Variants in BICC1 observed in about 807,000 individuals in gnomAD.
BICC1 encodes BicC family RNA binding protein 1.
A neutral mutation model predicts 111.0 loss-of-function variants in BICC1; 43 were observed. The observed-to-expected ratio is 0.39, with a 90% CI of 0.30 to 0.50. The LOEUF is 0.50. Ranked by LOEUF, BICC1 falls within the 20% of genes least tolerant of loss-of-function variation. The pLI, the probability that BICC1 is intolerant of heterozygous loss-of-function variation, is 0.88. For synonymous variants in BICC1, 467 were observed against 434.4 expected, an observed-to-expected ratio of 1.07 and a Z score of -0.93; for missense variants, 1,091 against 1,203.2, an observed-to-expected ratio of 0.91 and a Z score of 1.38.
At chr10:58,787,820 G>T (rs1487574139) in intron 5 of BICC1, among the ~76,000 whole-genome samples, 1 of 152,100 alleles carries the variant, frequency 6.6e-6, no homozygotes, top group Admixed American at 6.5e-5. Flanking sequence ...ATGACCATTG[G>T]CCCTAAGAAC....
chr10:58,816,282 C>T (rs962972274), intron 18 of BICC1, among the ~76,000 whole-genome samples: 2 of 152,122 alleles, frequency 1.3e-5, no homozygotes, highest in African/African-American at 4.8e-5. Context: ...AATAGTCACT[C>T]CTCCTCAAAC....
At chr10:58,581,382 A>G (rs902016356) in intron 1 of BICC1, among the ~76,000 whole-genome samples, 2 of 152,186 alleles carry the variant, frequency 1.3e-5, no homozygotes, top group Middle Eastern at 3.2e-3. Flanking sequence ...ATCTATATAC[A>G]TGCTTAATAT....
intron 2 of BICC1, among the ~76,000 whole-genome samples, chr10:58,678,628 G>A (rs931949035): frequency 1.3e-5 from 2 of 152,056 alleles, no homozygotes; most frequent in Non-Finnish European, 2.9e-5. Flanking sequence ...ACAGATCAAC[G>A]AGATAGAAAA....
At chr10:58,518,580 A>G (rs12242287) in intron 1 of BICC1, among the ~76,000 whole-genome samples, 67,730 of 115,530 alleles carry the variant, frequency 0.59, 19,678 homozygotes, top group African/African-American at 0.75. Flanking sequence ...TCCTTTGTGT[A>G]TGTGTGTGTT....
At chr10:58,605,542 C>T (rs181210705) in intron 1 of BICC1, among the ~76,000 whole-genome samples, 1 of 152,280 alleles carries the variant, frequency 6.6e-6, no homozygotes, top group African/African-American at 2.4e-5. Context: ...GGGATTTGTT[C>T]CAGGACCTCC....
At chr10:58,555,745 T>TA (rs1403938141) in intron 1 of BICC1, among the ~76,000 whole-genome samples, 3 of 152,116 alleles carry the variant, frequency 2.0e-5, no homozygotes, top group Non-Finnish European at 4.4e-5. Flanking sequence ...TTTTAATGAT[T>TA]AAATGGAAAT....
At chr10:58,659,550 G>T (rs1375038689) in intron 2 of BICC1, among the ~76,000 whole-genome samples, 1 of 152,120 alleles carries the variant, frequency 6.6e-6, no homozygotes, top group East Asian at 1.9e-4. Flanking sequence ...CATGGATGCG[G>T]CCTAACTGAG....
chr10:58,718,777 T>C (rs1291031145), intron 3 of BICC1, among the ~76,000 whole-genome samples: 19 of 131,854 alleles, frequency 1.4e-4, no homozygotes, highest in African/African-American at 4.9e-4. Flanking sequence ...CGCGCGCGCG[T>C]GCGCGCGTGC....
intron 3 of BICC1, among the ~76,000 whole-genome samples, chr10:58,739,260 A>T (rs528172888): frequency 6.6e-6 from 1 of 152,276 alleles, no homozygotes; most frequent in Admixed American, 6.5e-5. Context: ...CGTCCCATCA[A>T]TACCTAATTT....
intron 1 of BICC1, among the ~76,000 whole-genome samples, chr10:58,565,807 A>G (rs1042493391): frequency 2.6e-5 from 4 of 152,002 alleles, no homozygotes; most frequent in African/African-American, 4.8e-5. Context: ...AAAGGTCAAT[A>G]TATTTTTTAA....
At chr10:58,562,282 A>C (rs1421260865) in intron 1 of BICC1, among the ~76,000 whole-genome samples, 2 of 151,876 alleles carry the variant, frequency 1.3e-5, no homozygotes, top group Non-Finnish European at 2.9e-5. Flanking sequence ...GGCTTTCTCC[A>C]TTCATTTTTA....
chr10:58,724,938 T>C (rs1841055635), intron 3 of BICC1, among the ~76,000 whole-genome samples: 1 of 152,206 alleles, frequency 6.6e-6, no homozygotes, highest in African/African-American at 2.4e-5. Flanking sequence ...CGTGGCTGTC[T>C]ATTCCCTCCC....
At chr10:58,753,595 T>C (rs372068399) in intron 3 of BICC1, among the ~76,000 whole-genome samples, 1 of 152,304 alleles carries the variant, frequency 6.6e-6, no homozygotes, top group East Asian at 1.9e-4. Flanking sequence ...TAATCTGTCC[T>C]TTCTCACAGG....
At chr10:58,740,657 C>A (rs935304545) in intron 3 of BICC1, among the ~76,000 whole-genome samples, 5 of 151,992 alleles carry the variant, frequency 3.3e-5, no homozygotes, top group African/African-American at 1.2e-4. Context: ...AATCTTTTAA[C>A]TCTTATTCCC....
chr10:58,759,179 C>T (rs1451329983), intron 3 of BICC1, among the ~76,000 whole-genome samples: 2 of 152,036 alleles, frequency 1.3e-5, no homozygotes, highest in South Asian at 2.1e-4. Context: ...AGGCTGGTCT[C>T]GAACTCCTGA....
At chr10:58,592,832 G>A (rs1164929449) in intron 1 of BICC1, among the ~76,000 whole-genome samples, 3 of 129,744 alleles carry the variant, frequency 2.3e-5, no homozygotes, top group Admixed American at 9.5e-5. Flanking sequence ...AGCCGAGATC[G>A]CACCACTGCA....
chr10:58,539,840 C>T (rs546165244), intron 1 of BICC1, among the ~76,000 whole-genome samples: 46 of 151,996 alleles, frequency 3.0e-4, no homozygotes, highest in Admixed American at 2.6e-3. Flanking sequence ...ATAGTCTTTT[C>T]AAGTGCACTA....
chr10:58,801,700 A>G (rs547618390), intron 14 of BICC1, among the ~76,000 whole-genome samples: 3 of 151,888 alleles, frequency 2.0e-5, no homozygotes, highest in East Asian at 3.9e-4. Context: ...AGTTCCTGGT[A>G]TACCCTTCTA....
At chr10:58,758,580 A>G (rs1842212774) in intron 3 of BICC1, among the ~76,000 whole-genome samples, 2 of 152,200 alleles carry the variant, frequency 1.3e-5, no homozygotes. Context: ...TAGTTCTAAT[A>G]ACCAAACTGT....
Sources: gnomAD v4.1 joint callset for allele counts (sites outside exome capture counted in the v4.1 genomes callset) on GRCh38, gnomAD v4.1.1 for gene constraint, MANE v1.5 for transcripts, NCBI Gene and HGNC (gene_info 2026-07-23, HGNC 2026-07-21) for gene names.